Variants in SNX6 observed in about 807,000 individuals in gnomAD.
SNX6 encodes the protein sorting nexin 6.
Under a neutral mutation model 63.0 loss-of-function variants are expected in SNX6, and 34 were observed. The observed-to-expected ratio is 0.54, with a 90% CI of 0.41 to 0.72. The LOEUF (loss-of-function observed/expected upper bound fraction) is 0.72. Ranked by LOEUF, SNX6 falls within the 30% of genes least tolerant of loss-of-function variation. The pLI is 0.00. For missense variants in SNX6, 398 were observed against 471.4 expected (o/e 0.84, Z 1.44); for synonymous variants, 170 against 164.2 (o/e 1.04, Z -0.27).
At chr14:34,568,967 A>T (rs1452668177) in intron 11 of SNX6, 18 of 1,411,314 alleles carry the variant, frequency 1.3e-5, no homozygotes, top group Non-Finnish European at 1.8e-5. Flanking sequence ...GCTCGCGTGT[A>T]CAACCAGTTC....
intron 5 of SNX6, chr14:34,604,269 C>T: frequency 1.6e-6 from 2 of 1,266,314 alleles, no homozygotes; most frequent in Non-Finnish European, 1.0e-6. Context: ...TATCCAACCC[C>T]TAACCAGACC....
rs778980281 is a variant in SNX6 at position 34,581,518 on chromosome 14, G to T, written c.834+43C>A. ...AAAACCTTTAACATGAGCTCTCTCT[G>T]GGCACAATATTATGCAGTATATCTC... is the stretch of plus-strand genomic sequence containing the variant. On this transcript the variant is annotated intron_variant, in intron 10 of 13. Coordinates refer to ENST00000362031, the MANE Select transcript of SNX6 (RefSeq NM_152233.4). 5.4e-6 allele frequency: 6 copies of T among 1,114,612 alleles called. No homozygotes were observed. The African/African-American group carries it at 9.2e-5, about 17-fold the overall frequency. 69.0% of individuals were successfully genotyped at this position (1,114,612 alleles called of 1,614,324 possible).
Position 34,603,447 on chromosome 14 carries a change from C to T in SNX6, c.417G>A (p.Lys139=). The change falls in exon 6 of 14, where the codon AAG becomes AAA. Residue 139 remains lysine (K), a synonymous_variant. Coordinates refer to ENST00000362031, the MANE Select transcript of SNX6 (RefSeq NM_152233.4). ...GGAACACTTCATGCATCGCAACTGT[C>T]TTCTTGAATATTGCCAAATATTCAC... is the stretch of plus-strand genomic sequence containing the variant. ...LEAEYLAIFK[K]TVAMHEVFLC... is the part of the protein sequence containing the mutation. 6.3e-7 allele frequency: 1 copy of T among 1,598,978 alleles called. No individual in the cohort carries two copies. The highest frequency in any genetic ancestry group is 8.5e-7 in the Non-Finnish European group (1 of 1,173,250).
intron 10 of SNX6, among the ~76,000 whole-genome samples, chr14:34,580,101 C>T (rs1881875859): frequency 6.6e-6 from 1 of 152,170 alleles, no homozygotes; most frequent in Non-Finnish European, 1.5e-5. Context: ...ATCGCTTGAA[C>T]CTGGGAGGCG....
At chr14:34,565,383 T>C (rs143792373) in intron 13 of SNX6, among the ~76,000 whole-genome samples, 106 of 151,906 alleles carry the variant, frequency 7.0e-4, no homozygotes, top group African/African-American at 2.1e-3. Flanking sequence ...GGCTGACATA[T>C]TCTACCTTAA....
At chr14:34,588,470 C>T (rs1240836288) in intron 8 of SNX6, among the ~76,000 whole-genome samples, 2 of 152,054 alleles carry the variant, frequency 1.3e-5, no homozygotes, top group Non-Finnish European at 1.5e-5. Context: ...AGGCTGGTCT[C>T]GAACTCCTGA....
chr14:34,596,565 G>GC (rs1882606005), intron 7 of SNX6, among the ~76,000 whole-genome samples: 1 of 146,348 alleles, frequency 6.8e-6, no homozygotes, highest in Admixed American at 6.8e-5. Context: ...GTTGCAGTGA[G>GC]CCGAGATTAT....
intron 2 of SNX6, among the ~76,000 whole-genome samples, chr14:34,613,475 G>T (rs770312994): frequency 3.9e-5 from 6 of 152,164 alleles, no homozygotes; most frequent in Non-Finnish European, 7.4e-5. Context: ...CACCTAATAA[G>T]AATCAACCTG....
At chr14:34,580,752 T>C (rs1881903065) in intron 10 of SNX6, among the ~76,000 whole-genome samples, 1 of 151,802 alleles carries the variant, frequency 6.6e-6, no homozygotes, top group Non-Finnish European at 1.5e-5. Context: ...CTCAAACTCC[T>C]GAGCTCAAGC....
chr14:34,605,608 T>C lies in SNX6; in HGVS notation c.380A>G (p.Gln127Arg), dbSNP rs1368375669. ...AAAAATCACTTACGCTTCCAGTTCC[T>C]GTTTCATCTTTGTGAATTCTTCCTT... ...MTKEEFTKMK[Q>R]ELEAEYLAIF... The change falls in exon 5 of 14, where the codon CAG becomes CGG. Residue 127 changes from glutamine (Q) to arginine (R), a missense_variant. Physicochemically the swap from Gln to Arg is conservative, Grantham distance 43. Coordinates refer to ENST00000362031, the MANE Select transcript of SNX6 (RefSeq NM_152233.4). 6.3e-7 allele frequency: 1 copy of C among 1,585,858 alleles called. No individual in the cohort carries two copies. Among genetic ancestry groups the C allele is most frequent in the Non-Finnish European group, 8.5e-7 (1 of 1,170,762 alleles).
intron 5 of SNX6, among the ~76,000 whole-genome samples, chr14:34,603,733 C>T (rs1218201355): frequency 6.6e-6 from 1 of 151,896 alleles, no homozygotes; most frequent in Non-Finnish European, 1.5e-5. Context: ...CTTACTTATG[C>T]GAGTTGATGT....
At chr14:34,585,772 T>C (rs1566473576) in intron 9 of SNX6, among the ~76,000 whole-genome samples, 1 of 151,812 alleles carries the variant, frequency 6.6e-6, no homozygotes, top group African/African-American at 2.4e-5. Context: ...GGGTAATTTT[T>C]GTATTTTTTG....
At position 34,606,466 on chromosome 14, in the gene SNX6, T is replaced by G. The variant is rs1008002785; in HGVS notation, c.271-749A>C. Among the ~76,000 whole-genome samples the G allele has an allele frequency of 2.0e-3, 301 of 149,550 alleles. 3 individuals are homozygous for G. Among genetic ancestry groups the G allele is most frequent in the Admixed American group, 5.1e-3 (77 of 15,040 alleles). ...CTTCCAACTCTTCTTTTTTTTTTTTTGGGGGGATGGAGTTTTGCTCTTGTT... is the reference window on the plus strand; with the variant it reads ...CTTCCAACTCTTCTTTTTTTTTTTTGGGGGGGATGGAGTTTTGCTCTTGTT... On this transcript the variant is annotated intron_variant, in intron 4 of 13. Transcript: ENST00000362031.
chr14:34,617,281 A>G (rs1441273896), intron 2 of SNX6, among the ~76,000 whole-genome samples: 20 of 152,170 alleles, frequency 1.3e-4, no homozygotes, highest in Admixed American at 1.3e-3. Flanking sequence ...AAGTAACATA[A>G]ATGTACTATC....
In SNX6 at chr14:34,606,850, C is replaced by A. The variant is rs532643409; in HGVS notation, c.271-1133G>T. ...CTGGAGTGCAGTGGTGGGACCTTGA[C>A]TCACTGCAACCTCTGCCTCCCAGGT... On this transcript the variant is annotated intron_variant, in intron 4 of 13. Transcript: ENST00000362031. 3.3e-5 allele frequency among the ~76,000 whole-genome samples: 5 copies of A among 152,298 alleles called. No homozygotes were observed. In the South Asian group the frequency reaches 1.0e-3, roughly 32 times the overall value.
intron 2 of SNX6, among the ~76,000 whole-genome samples, chr14:34,622,925 G>A (rs777840022): frequency 6.6e-5 from 10 of 152,174 alleles, no homozygotes; most frequent in Non-Finnish European, 1.2e-4. Flanking sequence ...AGTTTATATG[G>A]AAAGTCCCTG....
At chr14:34,579,409 G>A (rs1298825116) in intron 10 of SNX6, among the ~76,000 whole-genome samples, 2 of 152,062 alleles carry the variant, frequency 1.3e-5, no homozygotes, top group Non-Finnish European at 2.9e-5. Context: ...AAGAGGCCAG[G>A]AGTTCAAGAC....
In SNX6 at chr14:34,563,962, C is replaced by T. The variant is rs536972745; in HGVS notation, c.1168-787G>A. On this transcript the variant is annotated intron_variant, in intron 13 of 13. Coordinates refer to ENST00000362031, the MANE Select transcript of SNX6 (RefSeq NM_152233.4). Reference sequence around the variant, plus strand: ...CCATGTTGGCCAGGCTGGTTTTGAACTCCTGATCTCAGGTGATCCGCCTAC... The same window carrying T: ...CCATGTTGGCCAGGCTGGTTTTGAATTCCTGATCTCAGGTGATCCGCCTAC... Among the ~76,000 whole-genome samples the T allele has an allele frequency of 5.4e-4, 82 of 152,236 alleles. 1 individual carries two copies. The South Asian group carries it at 0.016, about 30-fold the overall frequency.
At chr14:34,600,552 A>G (rs1405236673) in intron 6 of SNX6, among the ~76,000 whole-genome samples, 3 of 152,060 alleles carry the variant, frequency 2.0e-5, no homozygotes, top group African/African-American at 7.2e-5. Context: ...TACTGGGATT[A>G]AAGGTGTGAC....
Sources: allele counts gnomAD v4.1 joint callset (sites outside exome capture counted in the v4.1 genomes callset), GRCh38; gene constraint gnomAD v4.1.1; transcripts MANE v1.5; gene names NCBI Gene and HGNC (gene_info 2026-07-23, HGNC 2026-07-21).